Variants in PEX7 observed in about 807,000 individuals in gnomAD.
The protein encoded by PEX7 is PTS2 receptor.
Under a neutral mutation model 47.5 loss-of-function variants are expected in PEX7, and 34 were observed. The ratio of observed to expected loss-of-function variants is 0.72; its 90% CI spans 0.54 to 0.95. The LOEUF is 0.95. PEX7 is among the 40% of genes least tolerant of loss of function. PEX7 has a pLI of 0.00. For synonymous variants in PEX7, 141 were observed against 148.8 expected, an observed-to-expected ratio of 0.95 and a Z score of 0.38; for missense variants, 394 against 400.3, an observed-to-expected ratio of 0.98 and a Z score of 0.13.
intron 8 of PEX7, among the ~76,000 whole-genome samples, chr6:136,877,687 A>G (rs997291854): frequency 3.3e-5 from 5 of 152,150 alleles, no homozygotes; most frequent in Non-Finnish European, 7.4e-5. Flanking sequence ...CTGTTTTGGT[A>G]CCAGTACCAT....
intron 3 of PEX7, among the ~76,000 whole-genome samples, chr6:136,829,691 C>G (rs908668440): frequency 6.6e-6 from 1 of 152,152 alleles, no homozygotes; most frequent in African/African-American, 2.4e-5. Context: ...AATCCTAACA[C>G]TTTGGAAGGT....
chr6:136,883,740 G>A lies in PEX7; in HGVS notation c.803+11487G>A, dbSNP rs73777768. On this transcript the variant is annotated intron_variant, in intron 8 of 9. Transcript: ENST00000318471. ...ACACAGGCACCTGAGTGTCCAAACAGGAATCTCACACTGAACTCCTTCTTT... is the reference window on the plus strand; with the variant it reads ...ACACAGGCACCTGAGTGTCCAAACAAGAATCTCACACTGAACTCCTTCTTT... 3.5e-3 allele frequency among the ~76,000 whole-genome samples: 530 copies of A among 152,244 alleles called. 7 individuals carry two copies. Among genetic ancestry groups the A allele is most frequent in the African/African-American group, 0.011 (472 of 41,540 alleles).
At chr6:136,887,068 C>T (rs1287572420) in intron 8 of PEX7, among the ~76,000 whole-genome samples, 1 of 151,738 alleles carries the variant, frequency 6.6e-6, no homozygotes, top group Non-Finnish European at 1.5e-5. Flanking sequence ...ACAAAAAAAA[C>T]CTGTTACCAG....
At chr6:136,834,086 G>A (rs1774342647) in intron 3 of PEX7, among the ~76,000 whole-genome samples, 1 of 152,254 alleles carries the variant, frequency 6.6e-6, no homozygotes, top group Non-Finnish European at 1.5e-5. Flanking sequence ...GGTACACAGA[G>A]AGGAGAACCA....
chr6:136,864,524 G>T (rs368834716), intron 5 of PEX7, among the ~76,000 whole-genome samples: 2 of 152,064 alleles, frequency 1.3e-5, no homozygotes, highest in East Asian at 1.9e-4. Context: ...AACTCCAAAG[G>T]CCCTGTTCTT....
At chr6:136,875,078 G>A (rs1197809604) in intron 8 of PEX7, among the ~76,000 whole-genome samples, 1 of 152,096 alleles carries the variant, frequency 6.6e-6, no homozygotes, top group East Asian at 1.9e-4. Context: ...GGCAGAAGTT[G>A]CAGTGAGCCG....
intron 2 of PEX7, among the ~76,000 whole-genome samples, chr6:136,826,009 G>A (rs1432957406): frequency 6.6e-6 from 1 of 152,076 alleles, no homozygotes; most frequent in Non-Finnish European, 1.5e-5. Flanking sequence ...TCTGAAGCCT[G>A]TCTCTTAGTG....
intron 3 of PEX7, among the ~76,000 whole-genome samples, chr6:136,840,599 G>A (rs1774478873): frequency 6.6e-6 from 1 of 152,224 alleles, no homozygotes; most frequent in South Asian, 2.1e-4. Flanking sequence ...TTTATGCAGT[G>A]TGGATAATGG....
At chr6:136,884,684 G>A (rs1775437717) in intron 8 of PEX7, among the ~76,000 whole-genome samples, 1 of 152,100 alleles carries the variant, frequency 6.6e-6, no homozygotes, top group Non-Finnish European at 1.5e-5. Flanking sequence ...CTTTACCTCT[G>A]TAGTAGCTCA....
At chr6:136,834,271 A>G (rs1774347910) in intron 3 of PEX7, among the ~76,000 whole-genome samples, 1 of 152,192 alleles carries the variant, frequency 6.6e-6, no homozygotes, top group East Asian at 1.9e-4. Flanking sequence ...AGTTCACTGC[A>G]ACCTCTGACT....
Position 136,826,439 on chromosome 6 carries a change from A to G in PEX7, c.309A>G (p.Pro103=), listed in dbSNP as rs1285377553. ...GGGACACTGCCAAAGCTGCAGGGCCACTGCAAGTCTATAAAGAACACGCTC... is the reference window on the plus strand; with the variant it reads ...GGGACACTGCCAAAGCTGCAGGGCCGCTGCAAGTCTATAAAGAACACGCTC... The part of the protein sequence containing the change: ...QLWDTAKAAG[P]LQVYKEHAQE... The change falls in exon 3 of 10, where the codon CCA becomes CCG. Residue 103 remains proline (P), a synonymous_variant. Coordinates refer to ENST00000318471, the MANE Select transcript of PEX7 (RefSeq NM_000288.4). The G allele has an allele frequency of 1.9e-6, 3 of 1,613,862 alleles. No individual in the cohort carries two copies. The highest frequency in any genetic ancestry group is 2.5e-6 in the Non-Finnish European group (3 of 1,180,030).
intron 8 of PEX7, among the ~76,000 whole-genome samples, chr6:136,888,683 C>T (rs1369015978): frequency 6.6e-6 from 1 of 151,904 alleles, no homozygotes; most frequent in Admixed American, 6.6e-5. Context: ...GTCCCTGGCT[C>T]CTGGGATGTG....
chr6:136,886,648 T>C (rs1038832755), intron 8 of PEX7, among the ~76,000 whole-genome samples: 4 of 152,176 alleles, frequency 2.6e-5, no homozygotes, highest in African/African-American at 9.7e-5. Context: ...GGAATTTTCA[T>C]TGCACTGTGA....
chr6:136,837,399 A>G (rs1774410084), intron 3 of PEX7, among the ~76,000 whole-genome samples: 1 of 151,376 alleles, frequency 6.6e-6, no homozygotes, highest in Non-Finnish European at 1.5e-5. Flanking sequence ...TTAAAGTGAG[A>G]GAAAAGCGTT....
At chr6:136,903,348 T>TC (rs1775786920) in intron 9 of PEX7, among the ~76,000 whole-genome samples, 2 of 149,084 alleles carry the variant, frequency 1.3e-5, no homozygotes, top group South Asian at 4.3e-4. Context: ...TTTTTTTTTT[T>TC]TTTTTTTCAT....
chr6:136,876,790 A>G (rs1447055367), intron 8 of PEX7, among the ~76,000 whole-genome samples: 1 of 152,220 alleles, frequency 6.6e-6, no homozygotes. Context: ...ACAGTGCTGC[A>G]ATAAACATAT....
At chr6:136,859,948 C>T (rs72985570) in intron 5 of PEX7, among the ~76,000 whole-genome samples, 14,866 of 151,610 alleles carry the variant, frequency 0.098, 820 homozygotes, top group Admixed American at 0.14. Flanking sequence ...CGCTTGAACC[C>T]TGGAGGCAGA....
At chr6:136,852,177 T>G (rs1774769403) in intron 5 of PEX7, among the ~76,000 whole-genome samples, 1 of 151,600 alleles carries the variant, frequency 6.6e-6, no homozygotes, top group African/African-American at 2.4e-5. Flanking sequence ...TTGATTTTTG[T>G]ATAAGGTGTA....
chr6:136,879,816 A>T (rs149723332), intron 8 of PEX7, among the ~76,000 whole-genome samples: 84 of 151,798 alleles, frequency 5.5e-4, no homozygotes, highest in South Asian at 1.3e-3. Flanking sequence ...ATATTTCTTT[A>T]TCTCATTTTC....
Sources: allele counts gnomAD v4.1 joint callset (sites outside exome capture counted in the v4.1 genomes callset), GRCh38; gene constraint gnomAD v4.1.1; transcripts MANE v1.5; gene names NCBI Gene and HGNC (gene_info 2026-07-23, HGNC 2026-07-21).